DOCK2: variants seen among roughly 807,000 people sequenced by gnomAD.
DOCK2 encodes the protein dedicator of cytokinesis protein 2.
In DOCK2, 87 loss-of-function variants were observed where a neutral mutation model predicts 248.9. The ratio of observed to expected loss-of-function variants is 0.35; its 90% confidence interval spans 0.29 to 0.42. The LOEUF (loss-of-function observed/expected upper bound fraction) is 0.42. Among genes scored for constraint, DOCK2 ranks in the 10% least tolerant of loss-of-function variants. The pLI, the probability that DOCK2 is intolerant of heterozygous loss-of-function variation, is 1.00. For synonymous variants in DOCK2, 805 were observed against 821.6 expected (o/e 0.98, Z 0.35); for missense variants, 1,747 against 2,300.2 (o/e 0.76, Z 4.92).
intron 28 of DOCK2, among the ~76,000 whole-genome samples, 196 bp downstream of exon 28, chr5:169,983,362 G>T (rs1227535882): frequency 6.6e-6 from 1 of 152,152 alleles, no homozygotes; most frequent in Non-Finnish European, 1.5e-5. Context: ...TTGCATCTAG[G>T]ATTTGTCACA....
chr5:169,796,081 G>A (rs1242039835), intron 25 of DOCK2, among the ~76,000 whole-genome samples: 1 of 152,226 alleles, frequency 6.6e-6, no homozygotes, highest in African/African-American at 2.4e-5. Flanking sequence ...TCCAAGTGCA[G>A]GCTGCCACAG....
chr5:170,013,367 C>T lies in DOCK2; in HGVS notation c.3232+4621C>T, dbSNP rs1007689369. ...AACCTGTGGAATATGTTACCTGACA[C>T]AGCAAAGGAGACTTTAAGGTGTGAT... On this transcript the variant is annotated intron_variant, in intron 32 of 51. Coordinates refer to ENST00000520908, the MANE Select transcript of DOCK2 (RefSeq NM_004946.3). Among the ~76,000 whole-genome samples, 9 of 151,888 alleles carry T rather than the reference C, an allele frequency of 5.9e-5. 1 individual carries two copies. In the South Asian group the frequency reaches 1.5e-3, roughly 25 times the overall value.
chr5:170,044,384 A>G (rs140094222), intron 38 of DOCK2, among the ~76,000 whole-genome samples: 2 of 152,270 alleles, frequency 1.3e-5, no homozygotes, highest in African/African-American at 4.8e-5. Flanking sequence ...GAAATTAGTG[A>G]CTGTTGGAGG....
intron 2 of DOCK2, among the ~76,000 whole-genome samples, chr5:169,666,467 C>T (rs1027376466): frequency 6.6e-6 from 1 of 152,086 alleles, no homozygotes; most frequent in South Asian, 2.1e-4. Flanking sequence ...AACTCAGGAG[C>T]GGGTTCTGGG....
chr5:169,731,489 C>T (rs574786543), intron 22 of DOCK2, among the ~76,000 whole-genome samples: 19 of 152,274 alleles, frequency 1.2e-4, no homozygotes, highest in African/African-American at 4.3e-4. Context: ...TCCCCAGACA[C>T]ATGGAATGTA....
chr5:169,772,303 G>A (rs907837712), intron 25 of DOCK2, among the ~76,000 whole-genome samples: 1 of 152,138 alleles, frequency 6.6e-6, no homozygotes, highest in African/African-American at 2.4e-5. Flanking sequence ...ACCTTCTCTC[G>A]GCTTGCACTT....
intron 27 of DOCK2, among the ~76,000 whole-genome samples, chr5:169,912,217 T>G (rs971475550): frequency 1.3e-5 from 2 of 152,146 alleles, no homozygotes; most frequent in Non-Finnish European, 1.5e-5. Context: ...GGCTTTTATT[T>G]ATTTATTATT....
At chr5:169,670,890 C>T (rs941867136) in intron 4 of DOCK2, among the ~76,000 whole-genome samples, 188 bp from the exon 5 acceptor site, 4 of 152,122 alleles carry the variant, frequency 2.6e-5, no homozygotes, top group African/African-American at 7.2e-5. Context: ...CCCACCCTAG[C>T]GAAGGAGGAC....
At chr5:169,822,626 G>C (rs985109313) in intron 26 of DOCK2, among the ~76,000 whole-genome samples, 1 of 152,126 alleles carries the variant, frequency 6.6e-6, no homozygotes, top group Non-Finnish European at 1.5e-5. Flanking sequence ...GCAGTGTGTA[G>C]AGGGAAAATT....
At chr5:169,918,608 G>T (rs1343034397) in intron 27 of DOCK2, among the ~76,000 whole-genome samples, 1 of 152,170 alleles carries the variant, frequency 6.6e-6, no homozygotes, top group Admixed American at 6.5e-5. Flanking sequence ...ATACTGTTTA[G>T]GTTACTTTAA....
intron 10 of DOCK2, among the ~76,000 whole-genome samples, chr5:169,696,662 T>C (rs1760649440): frequency 1.3e-5 from 2 of 152,140 alleles, no homozygotes; most frequent in African/African-American, 4.8e-5. Context: ...ATTTTAAGAG[T>C]ATACCGTGCA....
intron 26 of DOCK2, among the ~76,000 whole-genome samples, chr5:169,812,778 C>T (rs538106200): frequency 6.6e-6 from 1 of 152,380 alleles, no homozygotes; most frequent in Non-Finnish European, 1.5e-5. Flanking sequence ...GCTTCTAAAA[C>T]ATCCCTATAA....
At chr5:169,670,688 AGGGTT>A in intron 4 of DOCK2, 91 bp downstream of exon 4, 6 of 1,470,060 alleles carry the variant, frequency 4.1e-6, no homozygotes, top group Non-Finnish European at 4.7e-6. Flanking sequence ...GGAAGAGCTG[AGGGTT>A]GCTCAGCTTA....
intron 22 of DOCK2, among the ~76,000 whole-genome samples, chr5:169,724,950 A>G (rs1762397579): frequency 6.6e-6 from 1 of 152,114 alleles, no homozygotes; most frequent in African/African-American, 2.4e-5. Flanking sequence ...TTGCAGTCGG[A>G]GGGAGCACAT....
chr5:169,916,400 C>T (rs950757382), intron 27 of DOCK2, among the ~76,000 whole-genome samples: 1 of 152,172 alleles, frequency 6.6e-6, no homozygotes, highest in Non-Finnish European at 1.5e-5. Flanking sequence ...CCTCCTATCA[C>T]CCCTGTTCTG....
At chr5:169,913,368 C>T (rs1056767201) in intron 27 of DOCK2, among the ~76,000 whole-genome samples, 1 of 152,080 alleles carries the variant, frequency 6.6e-6, no homozygotes, top group Admixed American at 6.6e-5. Context: ...TATAGAAGCT[C>T]CCTAGAACCT....
In DOCK2 at chr5:170,053,930, G is replaced by C. The variant is rs931264461; in HGVS notation, c.4214-1375G>C. On this transcript the variant is annotated intron_variant, in intron 41 of 51. Transcript: ENST00000520908. ...CAGGATGGAGGGTGTGAGGTGGGCT[G>C]GGGGGATGAGGAAGCCTACAAGGAG... Among the ~76,000 whole-genome samples, 11 of 152,174 alleles carry C rather than the reference G, an allele frequency of 7.2e-5. No homozygotes were observed. The South Asian group carries it at 1.9e-3, about 26-fold the overall frequency.
At position 169,955,910 on chromosome 5, in the gene DOCK2, A is replaced by G. The variant is rs541717609; in HGVS notation, c.2800-27158A>G. On this transcript the variant is annotated intron_variant, in intron 27 of 51. Coordinates refer to ENST00000520908, the MANE Select transcript of DOCK2 (RefSeq NM_004946.3). ...CATGGCTCATTGTACTGCTCAAGTC[A>G]GAACAAGCCAAGTGTGCTTTGGGCA... Among the ~76,000 whole-genome samples the G allele has an allele frequency of 3.9e-3, 588 of 152,330 alleles. 2 individuals carry two copies. Among genetic ancestry groups the G allele is most frequent in the Middle Eastern group, 6.8e-3 (2 of 294 alleles).
At chr5:169,742,532 GA>G (rs1237143314) in intron 22 of DOCK2, among the ~76,000 whole-genome samples, 15 of 152,208 alleles carry the variant, frequency 9.9e-5, no homozygotes, top group African/African-American at 3.6e-4. Context: ...TATAAATGTG[GA>G]AGTGACTGAG....
Sources: allele counts gnomAD v4.1 joint callset (sites outside exome capture counted in the v4.1 genomes callset), GRCh38; gene constraint gnomAD v4.1.1; transcripts MANE v1.5; gene names NCBI Gene and HGNC (gene_info 2026-07-23, HGNC 2026-07-21).